Variants in SDK1 observed in about 807,000 individuals in gnomAD.
SDK1 encodes protein sidekick-1.
A neutral mutation model predicts 245.5 loss-of-function variants in SDK1; 157 were observed. The ratio of observed to expected loss-of-function variants is 0.64; its 90% CI spans 0.56 to 0.73. SDK1 has a LOEUF of 0.73. Ranked by LOEUF, SDK1 falls within the 30% of genes least tolerant of loss-of-function variation. The probability of loss-of-function intolerance (pLI) is 0.00; values close to 1 mark genes in which losing one functional copy is unlikely to be tolerated. For synonymous variants in SDK1, 1,647 were observed against 1,278.5 expected (o/e 1.29, Z -6.15); for missense variants, 3,583 against 3,002.3 (o/e 1.19, Z -4.52).
chr7:3,880,593 A>G (rs1359693603), intron 5 of SDK1, among the ~76,000 whole-genome samples: 7 of 149,134 alleles, frequency 4.7e-5, no homozygotes, highest in African/African-American at 1.7e-4. Context: ...CAGGTGAAAA[A>G]CAAAATCCTT....
intron 2 of SDK1, among the ~76,000 whole-genome samples, chr7:3,630,962 G>A (rs765265426): frequency 2.0e-5 from 3 of 152,042 alleles, no homozygotes; most frequent in Admixed American, 6.6e-5. Context: ...TGGAGACAGG[G>A]TGTCACTTTG....
chr7:3,884,067 G>GTTTTTTTT (rs1781275781), intron 5 of SDK1, among the ~76,000 whole-genome samples: 1 of 137,504 alleles, frequency 7.3e-6, no homozygotes, highest in South Asian at 2.4e-4. Flanking sequence ...TTTGTTTTTT[G>GTTTTTTTT]TTTGTTTGTT....
chr7:3,603,356 C>A (rs894985838), intron 1 of SDK1, among the ~76,000 whole-genome samples: 34 of 150,548 alleles, frequency 2.3e-4, no homozygotes, highest in South Asian at 4.3e-4. Flanking sequence ...CTTTTATTTC[C>A]TTGAGCAGTG....
At chr7:4,223,031 C>T (rs994995700) in intron 40 of SDK1, among the ~76,000 whole-genome samples, 8 of 150,794 alleles carry the variant, frequency 5.3e-5, no homozygotes, top group African/African-American at 9.8e-5. Flanking sequence ...GGGAGAGCAC[C>T]GATTTCTTCC....
At chr7:3,942,649 A>G (rs1002737300) in intron 5 of SDK1, among the ~76,000 whole-genome samples, 1 of 152,152 alleles carries the variant, frequency 6.6e-6, no homozygotes, top group Non-Finnish European at 1.5e-5. Context: ...TTGGAGCAGG[A>G]AGATACTGAG....
chr7:3,778,677 C>T (rs1012031804), intron 4 of SDK1, among the ~76,000 whole-genome samples: 6 of 152,134 alleles, frequency 3.9e-5, no homozygotes, highest in Admixed American at 1.3e-4. Flanking sequence ...CACCATGTTC[C>T]GTAAACTAAA....
chr7:3,776,479 C>A (rs185557513), intron 4 of SDK1, among the ~76,000 whole-genome samples: 8 of 152,170 alleles, frequency 5.3e-5, no homozygotes, highest in African/African-American at 1.9e-4. Flanking sequence ...ATATTATGAA[C>A]CCGATCAGAT....
intron 5 of SDK1, among the ~76,000 whole-genome samples, chr7:3,861,325 G>A (rs1265144796): frequency 6.6e-6 from 1 of 152,214 alleles, no homozygotes; most frequent in Non-Finnish European, 1.5e-5. Flanking sequence ...AGTCATCTAT[G>A]TATTTGTTTA....
At chr7:3,314,153 C>T (rs1779611095) in intron 1 of SDK1, among the ~76,000 whole-genome samples, 1 of 152,122 alleles carries the variant, frequency 6.6e-6, no homozygotes, top group East Asian at 1.9e-4. Context: ...TTAAATAGGA[C>T]CCTAGCAGGG....
intron 16 of SDK1, among the ~76,000 whole-genome samples, chr7:4,012,857 G>A (rs543070424): frequency 3.3e-5 from 5 of 152,164 alleles, no homozygotes; most frequent in South Asian, 4.1e-4. Flanking sequence ...GATTACAGGC[G>A]TGAGGCACTG....
intron 2 of SDK1, among the ~76,000 whole-genome samples, chr7:3,625,003 C>A (rs901028818): frequency 6.6e-6 from 1 of 152,116 alleles, no homozygotes; most frequent in Non-Finnish European, 1.5e-5. Flanking sequence ...CATGCCATTG[C>A]ACTCCAGCCT....
intron 5 of SDK1, among the ~76,000 whole-genome samples, chr7:3,942,548 T>C (rs763453101): frequency 3.3e-5 from 5 of 152,196 alleles, no homozygotes; most frequent in African/African-American, 7.2e-5. Context: ...TTGCTCAACA[T>C]TGAGCTTTTA....
At chr7:4,230,108 G>A (rs80203773) in intron 40 of SDK1, among the ~76,000 whole-genome samples, 8,715 of 141,060 alleles carry the variant, frequency 0.062, 359 homozygotes, top group East Asian at 0.09. Flanking sequence ...TGGATGGGAG[G>A]TGGATGAGTG....
chr7:3,704,355 C>A (rs1448453326), intron 4 of SDK1, among the ~76,000 whole-genome samples: 5 of 148,356 alleles, frequency 3.4e-5, no homozygotes, highest in Admixed American at 2.7e-4. Flanking sequence ...GGATCCATGC[C>A]AATATCGATT....
intron 1 of SDK1, among the ~76,000 whole-genome samples, chr7:3,553,261 T>C (rs1001011361): frequency 6.6e-6 from 1 of 152,160 alleles, no homozygotes; most frequent in Non-Finnish European, 1.5e-5. Flanking sequence ...AGGAGGCAGT[T>C]ATTTTCCAAT....
At chr7:4,010,667 C>T (rs1305235589) in intron 14 of SDK1, among the ~76,000 whole-genome samples, 4 of 152,242 alleles carry the variant, frequency 2.6e-5, no homozygotes, top group African/African-American at 9.6e-5. Flanking sequence ...CCCTTACATA[C>T]TGAACACAGG....
chr7:3,329,296 C>G (rs1274696579), intron 1 of SDK1, among the ~76,000 whole-genome samples: 2 of 152,140 alleles, frequency 1.3e-5, no homozygotes, highest in African/African-American at 4.8e-5. Context: ...ATTCTTTCCT[C>G]TCTTCTCATT....
At chr7:3,555,640 T>G (rs1779564906) in intron 1 of SDK1, among the ~76,000 whole-genome samples, 1 of 151,986 alleles carries the variant, frequency 6.6e-6, no homozygotes, top group Non-Finnish European at 1.5e-5. Context: ...AAGAGACAAT[T>G]CAGTGGGAGA....
chr7:3,845,445 G>T lies in SDK1; in HGVS notation c.847+23862G>T, dbSNP rs41872. Reference sequence around the variant, plus strand: ...GCAGAGGTTGCAGTGAGCCGAGATCGCGCCACTGCACTCCAGCCTGGTGAC... The same window carrying T: ...GCAGAGGTTGCAGTGAGCCGAGATCTCGCCACTGCACTCCAGCCTGGTGAC... On this transcript the variant is annotated intron_variant, in intron 5 of 44. Transcript: ENST00000404826. Among the ~76,000 whole-genome samples, 295 of 140,968 alleles carry T rather than the reference G, an allele frequency of 2.1e-3. 1 individual carries two copies. The highest frequency in any genetic ancestry group is 3.6e-3 in the Non-Finnish European group (244 of 67,000). The allele number at this position is 140,968 out of a possible 152,430, so 92.5% of individuals were successfully genotyped here.
Sources: gnomAD v4.1 joint callset for allele counts (sites outside exome capture counted in the v4.1 genomes callset) on GRCh38, gnomAD v4.1.1 for gene constraint, MANE v1.5 for transcripts, NCBI Gene and HGNC (gene_info 2026-07-23, HGNC 2026-07-21) for gene names.